The following PZP variants were observed in gnomAD, a reference collection of about 807,000 sequenced individuals.
PZP encodes PZP alpha-2-macroglobulin like, also known as pregnancy zone protein.
A neutral mutation model predicts 179.8 loss-of-function variants in PZP; 150 were observed. The ratio of observed to expected loss-of-function variants is 0.83; its 90% CI spans 0.73 to 0.96. The LOEUF (loss-of-function observed/expected upper bound fraction) is 0.96, where lower values mean the gene tolerates loss of function less well. Ranked by LOEUF, PZP falls within the 40% of genes least tolerant of loss-of-function variation. The probability of loss-of-function intolerance (pLI) is 0.00; values close to 1 mark genes in which losing one functional copy is unlikely to be tolerated. For synonymous variants in PZP, 624 were observed against 652.3 expected (o/e 0.96, Z 0.66); for missense variants, 1,689 against 1,764.0 (o/e 0.96, Z 0.76).
In PZP at chr12:9,180,983, T is replaced by C; in HGVS notation, c.1839A>G (p.Ser613=). Residue 613 remains serine, a splice_region_variant and synonymous_variant, in exon 15 of 36, where the codon TCA becomes TCG. Coordinates refer to ENST00000261336, the MANE Select transcript of PZP (RefSeq NM_002864.3). ...MKPEAELSVS[S]VYNLLTVKDL... is the part of the protein sequence containing the mutation. ...GTCCCCAAGGCCACTGGAAACTCACTGAGGACACAGAGAGCTCAGCCTCAG... is the reference window on the plus strand; with the variant it reads ...GTCCCCAAGGCCACTGGAAACTCACCGAGGACACAGAGAGCTCAGCCTCAG... 6.2e-7 allele frequency: 1 copy of C among 1,611,960 alleles called. No homozygotes were observed. Among genetic ancestry groups the C allele is most frequent in the South Asian group, 1.1e-5 (1 of 90,592 alleles).
At chr12:9,139,879 G>T in the PZP span, among the ~76,000 whole-genome samples, 1 of 152,184 alleles carries the variant, frequency 6.6e-6, no homozygotes, top group African/African-American at 2.4e-5. Flanking sequence ...CTCTCTTACA[G>T]ACTAAGAGTA....
At chr12:9,181,201 T>A in intron 14 of PZP, 69 bp from the exon 15 acceptor site, 1 of 1,596,046 alleles carries the variant, frequency 6.3e-7, no homozygotes. Flanking sequence ...CACCTGCATT[T>A]CCTAAGCCAC....
In PZP at chr12:9,154,659, ATC is replaced by A; in HGVS notation, c.3729_3730del (p.Trp1243CysfsTer36). On this transcript the variant is annotated frameshift_variant, in exon 29 of 36. Coordinates refer to ENST00000261336, the MANE Select transcript of PZP (RefSeq NM_002864.3). LOFTEE classifies it high-confidence loss of function. ...ACCTTGGGCGTTCTGCTGCTTCATG[ATC>A]CACTTCACAATGTTAGTTGCAGAGG... 6.2e-7 allele frequency: 1 copy of A among 1,614,148 alleles called. No individual in the cohort carries two copies. The highest frequency in any genetic ancestry group is 8.5e-7 in the Non-Finnish European group (1 of 1,180,016).
chr12:9,153,416 G>A, intron 29 of PZP, 73 bp from the exon 30 acceptor site: 3 of 1,298,394 alleles, frequency 2.3e-6, no homozygotes, highest in African/African-American at 1.5e-5. Context: ...CAAAGTCTGT[G>A]TTAGCCTACC....
At chr12:9,157,413 G>A (rs1005780535) in intron 27 of PZP, 58 bp from the exon 28 acceptor site, 20 of 1,465,908 alleles carry the variant, frequency 1.4e-5, no homozygotes, top group South Asian at 3.7e-5. Context: ...AGAGCAAGCT[G>A]AGAGCTGGAT....
intron 5 of PZP, 46 bp downstream of exon 5, chr12:9,201,281 T>C (rs1249381041): frequency 6.7e-7 from 1 of 1,485,466 alleles, no homozygotes; most frequent in Admixed American, 1.8e-5. Context: ...CCTCCTACTC[T>C]CTAAAAGCAC....
chr12:9,157,102 C>G, intron 28 of PZP, 73 bp downstream of exon 28: 1 of 1,439,794 alleles, frequency 6.9e-7, no homozygotes, highest in Non-Finnish European at 9.5e-7. Flanking sequence ...CCAGACAGGC[C>G]CCAATGTGTG....
intron 15 of PZP, among the ~76,000 whole-genome samples, chr12:9,172,600 C>T (rs11836204): frequency 0.058 from 8,862 of 152,128 alleles, 466 homozygotes; most frequent in African/African-American, 0.14. Flanking sequence ...TCATCTCACA[C>T]GCAAGGACAG....
intron 25 of PZP, among the ~76,000 whole-genome samples, 176 bp from the exon 26 acceptor site, chr12:9,158,752 C>CTTTTTTTTTTTTTTTTT (rs200458490): frequency 1.0e-5 from 1 of 97,814 alleles, no homozygotes; most frequent in Non-Finnish European, 2.0e-5. Flanking sequence ...TTTTTCTTTT[C>CTTTTTTTTTTTTTTTTT]TTTTCTTTTT....
intron 21 of PZP, 72 bp downstream of exon 21, chr12:9,163,596 C>T: frequency 6.6e-7 from 1 of 1,518,804 alleles, no homozygotes; most frequent in Admixed American, 1.8e-5. Flanking sequence ...ATTAATGGTT[C>T]TTTGTTGTCT....
chr12:9,140,698 G>A, the PZP span, among the ~76,000 whole-genome samples: 1 of 152,096 alleles, frequency 6.6e-6, no homozygotes, highest in Non-Finnish European at 1.5e-5. Context: ...CTATGAGTTG[G>A]GTGAATTCCT....
intron 17 of PZP, among the ~76,000 whole-genome samples, chr12:9,166,457 T>A (rs1172813112): frequency 6.6e-6 from 1 of 152,122 alleles, no homozygotes; most frequent in South Asian, 2.1e-4. Flanking sequence ...AAAAACGAGA[T>A]CACTTGGAGA....
rs989931933 is a variant in PZP, at chr12:9,163,841, C to A, written c.2615-52G>T. On this transcript the variant is annotated intron_variant, in intron 20 of 35. Coordinates refer to ENST00000261336, the MANE Select transcript of PZP (RefSeq NM_002864.3). The stretch of plus-strand genomic sequence containing the variant: ...AGTATCCACTTTGATAGTCCAATCA[C>A]CTTTAAGGGCTGCACCTTAAACTTA... 3.8e-6 allele frequency: 6 copies of A among 1,567,668 alleles called. No homozygotes were observed. The Admixed American group carries it at 1.2e-4, about 30-fold the overall frequency.
intron 10 of PZP, among the ~76,000 whole-genome samples, chr12:9,195,091 A>C (rs1943690208): frequency 6.6e-6 from 1 of 152,182 alleles, no homozygotes; most frequent in Non-Finnish European, 1.5e-5. Context: ...GAAGAGAATA[A>C]TTTGAATTTT....
chr12:9,163,904 A>G, intron 20 of PZP, 115 bp from the exon 21 acceptor site: 1 of 1,361,888 alleles, frequency 7.3e-7, no homozygotes, highest in Non-Finnish European at 9.9e-7. Flanking sequence ...AAAAAAAAAG[A>G]AACCCACAAG....
chr12:9,151,362 T>C (rs1261544578), intron 33 of PZP, among the ~76,000 whole-genome samples: 1 of 152,238 alleles, frequency 6.6e-6, no homozygotes, highest in Non-Finnish European at 1.5e-5. Context: ...CTTTTTTCTA[T>C]TGATTTTGTA....
rs1318679219 is a variant in PZP at position 9,164,176 on chromosome 12, A to G, written c.2571T>C (p.Asn857=). ...CTGTCCAAGACAAGGTTTGTCTCTCATTTCCACAGATACAATAGGATTCTT... is the reference window on the plus strand; with the variant it reads ...CTGTCCAAGACAAGGTTTGTCTCTCGTTTCCACAGATACAATAGGATTCTT... The part of the protein sequence containing the change: ...KGEESYCICG[N]ERQTLSWTVT... The change falls in exon 20 of 36, where the codon AAT becomes AAC. Residue 857 remains asparagine (N), a synonymous_variant. Transcript: ENST00000261336. The G allele has an allele frequency of 6.2e-7, 1 of 1,610,940 alleles. No homozygotes were observed. The highest frequency in any genetic ancestry group is 1.3e-5 in the African/African-American group (1 of 74,860).
At chr12:9,181,251 T>C in intron 14 of PZP, 119 bp from the exon 15 acceptor site, 1 of 1,274,410 alleles carries the variant, frequency 7.8e-7, no homozygotes, top group Non-Finnish European at 1.1e-6. Context: ...GTAATGTCAG[T>C]CAGAAACCTA....
In PZP at chr12:9,165,240, G is replaced by A. The variant is rs1941498783; in HGVS notation, c.2386C>T (p.Gln796Ter). ...ISSTASLRAF[Q>*]PFFVELTMPY... is the part of the protein sequence containing the mutation. ...ATTGTGAGCTCCACAAAGAAGGGCT[G>A]GAAGGCTCGGAGAGAGGCAGTGGAA... The change falls in exon 19 of 36, where the codon CAG becomes TAG. Residue 796 changes from glutamine to a stop codon, truncating the protein, a stop_gained. Transcript: ENST00000261336. LOFTEE classifies it high-confidence loss of function. The A allele has an allele frequency of 6.2e-7, 1 of 1,614,196 alleles. No individual in the cohort carries two copies. Among genetic ancestry groups the A allele is most frequent in the Non-Finnish European group, 8.5e-7 (1 of 1,180,036 alleles).
Sources: gnomAD v4.1 joint callset for allele counts (sites outside exome capture counted in the v4.1 genomes callset) on GRCh38, gnomAD v4.1.1 for gene constraint, MANE v1.5 for transcripts, NCBI Gene and HGNC (gene_info 2026-07-23, HGNC 2026-07-21) for gene names.